The following BAZ1A variants were observed in gnomAD, a reference collection of about 807,000 sequenced individuals.
The protein encoded by BAZ1A is bromodomain adjacent to zinc finger domain 1A, also known as bromodomain adjacent to zinc finger domain protein 1A.
BAZ1A carries 50 observed loss-of-function variants against 185.2 expected under a neutral mutation model. That is an observed-to-expected ratio of 0.27 (90% CI 0.22 to 0.34). The LOEUF (loss-of-function observed/expected upper bound fraction) is 0.34. Among genes scored for constraint, BAZ1A ranks in the 10% least tolerant of loss-of-function variants. The probability of loss-of-function intolerance (pLI) is 1.00; values close to 1 mark genes in which losing one functional copy is unlikely to be tolerated. For missense variants in BAZ1A, 1,356 were observed against 1,839.9 expected (o/e 0.74, Z 4.81); for synonymous variants, 571 against 615.6 (o/e 0.93, Z 1.07).
intron 3 of BAZ1A, among the ~76,000 whole-genome samples, chr14:34,851,488 C>T (rs2042595925): frequency 6.6e-6 from 1 of 151,978 alleles, no homozygotes; most frequent in Non-Finnish European, 1.5e-5. Context: ...GATGACTACA[C>T]AATGAGTCCA....
At chr14:34,810,715 C>G (rs1338525173) in intron 5 of BAZ1A, among the ~76,000 whole-genome samples, 2 of 151,968 alleles carry the variant, frequency 1.3e-5, no homozygotes, top group Non-Finnish European at 2.9e-5. Context: ...CTGGCTTGGC[C>G]TGTCAAAGTG....
Position 34,874,322 on chromosome 14 carries a change from G to A in BAZ1A, c.113+170C>T. 1.7e-6 allele frequency: 1 copy of A among 604,496 alleles called. No individual in the cohort carries two copies. Among genetic ancestry groups the A allele is most frequent in the Non-Finnish European group, 2.8e-6 (1 of 354,358 alleles). The allele number at this position is 604,496 out of a possible 1,614,324, so 37.4% of individuals were successfully genotyped here. On this transcript the variant is annotated intron_variant, in intron 2 of 26. Transcript: ENST00000360310. This position sits in a 1 kb window ranked among gnomAD's most constrained non-coding sequence, Gnocchi z 4.7. ...GCGCGCCGCCGCCAGTTGGCCCCGC[G>A]CGTTCTCCAGGTGGAGGCCAGGAGG...
intron 3 of BAZ1A, among the ~76,000 whole-genome samples, chr14:34,846,921 AAC>A (rs1459704383): frequency 6.6e-6 from 1 of 152,212 alleles, no homozygotes; most frequent in African/African-American, 2.4e-5. Context: ...TTTAAAAAAG[AAC>A]AGTTATCCCA....
At chr14:34,764,954 A>T in intron 22 of BAZ1A, 21 bp from the exon 23 acceptor site, 1 of 1,613,698 alleles carries the variant, frequency 6.2e-7, no homozygotes, top group African/African-American at 1.3e-5. Flanking sequence ...CACATAAATG[A>T]TCATTAATCA....
chr14:34,874,565 G>C lies in BAZ1A; in HGVS notation c.40C>G (p.Pro14Ala). ...TCGTCGGGCCGCAGGTCCGCGGGCG[G>C]CTTCTGTCTCACAAACGGCTTTCGG... Reference protein sequence around the residue: ...LHRKPFVRQKPPADLRPDEEV... With the variant: ...LHRKPFVRQKAPADLRPDEEV... The change falls in exon 2 of 27, where the codon CCG becomes GCG. Residue 14 changes from proline (P) to alanine (A), a missense_variant. This residue lies in a region of BAZ1A where 332 missense variants were observed against 395.3 expected (regional missense o/e 0.84). Transcript: ENST00000360310. This position sits in a 1 kb window ranked among gnomAD's most constrained non-coding sequence, Gnocchi z 4.7. 3.1e-6 allele frequency: 5 copies of C among 1,611,728 alleles called. No homozygotes were observed. The highest frequency in any genetic ancestry group is 4.2e-6 in the Non-Finnish European group (5 of 1,179,028).
At chr14:34,837,058 C>A (rs2042341692) in intron 3 of BAZ1A, among the ~76,000 whole-genome samples, 1 of 151,758 alleles carries the variant, frequency 6.6e-6, no homozygotes, top group Admixed American at 6.6e-5. Context: ...CAGGCATGAG[C>A]AACCATGCCT....
chr14:34,792,678 T>TAA, intron 12 of BAZ1A, 97 bp downstream of exon 12: 1 of 1,344,470 alleles, frequency 7.4e-7, no homozygotes, highest in Non-Finnish European at 1.0e-6. Flanking sequence ...CTATATTTTA[T>TAA]AAGCATAAAA....
intron 16 of BAZ1A, among the ~76,000 whole-genome samples, chr14:34,782,674 T>C (rs972266976): frequency 5.9e-5 from 9 of 152,222 alleles, no homozygotes; most frequent in Admixed American, 2.0e-4. Context: ...TTTTGGAATA[T>C]TGAGTTTTTT....
At chr14:34,859,174 G>A (rs1211677371) in intron 3 of BAZ1A, among the ~76,000 whole-genome samples, 1 of 152,144 alleles carries the variant, frequency 6.6e-6, no homozygotes, top group East Asian at 1.9e-4. Flanking sequence ...AGGTGCAGTG[G>A]CTCACATCTA....
chr14:34,806,201 C>A (rs1446773937), intron 6 of BAZ1A, among the ~76,000 whole-genome samples: 1 of 151,962 alleles, frequency 6.6e-6, no homozygotes, highest in African/African-American at 2.4e-5. Context: ...AGTTTCTCTT[C>A]TTTTTAAACA....
intron 16 of BAZ1A, among the ~76,000 whole-genome samples, chr14:34,781,123 G>A (rs1285571675): frequency 1.3e-5 from 2 of 152,138 alleles, no homozygotes; most frequent in Non-Finnish European, 2.9e-5. Context: ...ACACCATTAT[G>A]TTCTAAATCC....
At chr14:34,873,570 G>C (rs1486154189) in intron 2 of BAZ1A, among the ~76,000 whole-genome samples, 3 of 152,022 alleles carry the variant, frequency 2.0e-5, no homozygotes, top group African/African-American at 7.2e-5. Flanking sequence ...ACATGCGCAG[G>C]GGGATAAAGC....
At chr14:34,867,673 A>G (rs974503806) in intron 2 of BAZ1A, among the ~76,000 whole-genome samples, 1 of 152,122 alleles carries the variant, frequency 6.6e-6, no homozygotes. Flanking sequence ...TTATAGCTTC[A>G]CTGTTCACAA....
intron 9 of BAZ1A, among the ~76,000 whole-genome samples, chr14:34,799,763 T>G (rs1405202960): frequency 6.6e-6 from 1 of 151,978 alleles, no homozygotes; most frequent in South Asian, 2.1e-4. Flanking sequence ...AGGCGCATAC[T>G]ACCATGCCCG....
chr14:34,796,252 G>A (rs1407414558), intron 9 of BAZ1A, among the ~76,000 whole-genome samples: 1 of 152,018 alleles, frequency 6.6e-6, no homozygotes, highest in African/African-American at 2.4e-5. Context: ...GGAGGCTGAG[G>A]CAGAAGAAGC....
At chr14:34,818,359 G>A (rs1219173022) in intron 4 of BAZ1A, among the ~76,000 whole-genome samples, 1 of 152,174 alleles carries the variant, frequency 6.6e-6, no homozygotes, top group African/African-American at 2.4e-5. Flanking sequence ...TAGCTTAATG[G>A]ATACAAAATT....
At chr14:34,823,289 G>A (rs2042114386) in intron 4 of BAZ1A, among the ~76,000 whole-genome samples, 1 of 152,098 alleles carries the variant, frequency 6.6e-6, no homozygotes, top group Non-Finnish European at 1.5e-5. Flanking sequence ...AGGAAGTAGA[G>A]GTTGCAGTGG....
chr14:34,874,591 T>A lies in BAZ1A; in HGVS notation c.14A>T (p.His5Leu), dbSNP rs145210630. 6.2e-6 allele frequency: 10 copies of A among 1,607,236 alleles called. No homozygotes were observed. The highest frequency in any genetic ancestry group is 5.0e-5 in the Admixed American group (3 of 59,694). The stretch of plus-strand genomic sequence containing the variant: ...CTTCTGTCTCACAAACGGCTTTCGG[T>A]GTAGCAGCGGCATCTCCCGTCCGCC... The part of the protein sequence containing the change: MPLL[H>L]RKPFVRQKPP... The change falls in exon 2 of 27, where the codon CAC becomes CTC. Residue 5 changes from histidine (H) to leucine (L), a missense_variant. Physicochemically the swap from His to Leu is moderately conservative, Grantham distance 99. Transcript: ENST00000360310. This position sits in a 1 kb window ranked among gnomAD's most constrained non-coding sequence, Gnocchi z 4.7.
chr14:34,815,523 C>G (rs1458068604), intron 4 of BAZ1A, among the ~76,000 whole-genome samples: 1 of 152,144 alleles, frequency 6.6e-6, no homozygotes, highest in Non-Finnish European at 1.5e-5. Flanking sequence ...AGTTCTACAA[C>G]AAGCAAACAT....
Sources: allele counts gnomAD v4.1 joint callset (sites outside exome capture counted in the v4.1 genomes callset), GRCh38; gene constraint gnomAD v4.1.1; regional missense constraint gnomAD v4.1.1; non-coding constraint Gnocchi (gnomAD v3.1); transcripts MANE v1.5; gene names NCBI Gene and HGNC (gene_info 2026-07-23, HGNC 2026-07-21).